Variants in ANO2 observed in about 807,000 individuals in gnomAD.
ANO2 encodes the protein anoctamin 2, also known as anoctamin-2.
A neutral mutation model predicts 124.2 loss-of-function variants in ANO2; 101 were observed. That is an observed-to-expected ratio of 0.81 (90% CI 0.69 to 0.96). The LOEUF is 0.96. Among genes scored for constraint, ANO2 ranks in the 40% least tolerant of loss-of-function variants. The probability of loss-of-function intolerance (pLI) is 0.00; values close to 1 mark genes in which losing one functional copy is unlikely to be tolerated. For missense variants in ANO2, 1,293 were observed against 1,274.5 expected (o/e 1.01, Z -0.22); for synonymous variants, 486 against 482.5 (o/e 1.01, Z -0.09).
chr12:5,857,357 T>C (rs1320851181), intron 3 of ANO2, among the ~76,000 whole-genome samples: 1 of 152,142 alleles, frequency 6.6e-6, no homozygotes, highest in Non-Finnish European at 1.5e-5. Context: ...ATCCCCTTGA[T>C]ATATTGATTT....
At chr12:5,640,743 C>A (rs61908077) in intron 15 of ANO2, among the ~76,000 whole-genome samples, 1 of 152,076 alleles carries the variant, frequency 6.6e-6, no homozygotes, top group African/African-American at 2.4e-5. Flanking sequence ...GGAGAGGATG[C>A]GGAGAAATAG....
intron 3 of ANO2, among the ~76,000 whole-genome samples, chr12:5,869,822 C>T (rs10437829): frequency 0.025 from 3,860 of 152,238 alleles, 169 homozygotes; most frequent in African/African-American, 0.088. Flanking sequence ...CCCCTTTCAG[C>T]TGATAACTTC....
chr12:5,879,908 G>T (rs144849185), intron 3 of ANO2, among the ~76,000 whole-genome samples: 1 of 152,338 alleles, frequency 6.6e-6, no homozygotes, highest in Non-Finnish European at 1.5e-5. Context: ...GGCTTAATCA[G>T]ATTTGCATTT....
chr12:5,565,527 G>A lies in ANO2; in HGVS notation c.2727+31C>T, dbSNP rs3825277. 13,978 of 1,541,100 alleles carry A rather than the reference G, an allele frequency of 9.1e-3. 648 individuals carry two copies. The Admixed American group carries it at 0.099, about 11-fold the overall frequency. On this transcript the variant is annotated intron_variant, in intron 24 of 24. Coordinates refer to ENST00000682330, the MANE Select transcript of ANO2 (RefSeq NM_001364791.2). ...GTCCTTACTCCTGCAGCCCGGATTC[G>A]AATGGGCTATTCCCTATCCCAGCAA...
intron 14 of ANO2, among the ~76,000 whole-genome samples, chr12:5,662,809 CT>C (rs1947515221): frequency 6.6e-6 from 1 of 152,138 alleles, no homozygotes; most frequent in South Asian, 2.1e-4. Context: ...AGTTCTTCTT[CT>C]TTATTAAAAT....
intron 1 of ANO2, among the ~76,000 whole-genome samples, chr12:5,926,295 G>A (rs996728813): frequency 3.3e-5 from 5 of 152,142 alleles, no homozygotes; most frequent in Non-Finnish European, 4.4e-5. Flanking sequence ...TCCTTCCCCT[G>A]GAGGACGGCG....
intron 14 of ANO2, among the ~76,000 whole-genome samples, chr12:5,690,106 A>G (rs1185046539): frequency 6.6e-6 from 1 of 152,078 alleles, no homozygotes; most frequent in Non-Finnish European, 1.5e-5. Context: ...GGTGCTGAGA[A>G]ACAGTTGACT....
At chr12:5,732,994 T>C in intron 13 of ANO2, 6 of 1,182,120 alleles carry the variant, frequency 5.1e-6, no homozygotes, top group Non-Finnish European at 7.5e-6. Context: ...ATATCCCTGG[T>C]CATCCCACCA....
intron 10 of ANO2, among the ~76,000 whole-genome samples, chr12:5,797,126 A>C (rs12423634): frequency 0.4 from 60,439 of 152,168 alleles, 14,766 homozygotes; most frequent in East Asian, 0.61. Flanking sequence ...CGCGAGGCAC[A>C]CGGAGGGTGC....
At chr12:5,751,265 T>C (rs1951431651) in intron 10 of ANO2, among the ~76,000 whole-genome samples, 1 of 152,182 alleles carries the variant, frequency 6.6e-6, no homozygotes, top group Non-Finnish European at 1.5e-5. Context: ...AAACTAAAAA[T>C]ATGCCACACA....
At chr12:5,880,054 G>A (rs148307956) in intron 3 of ANO2, among the ~76,000 whole-genome samples, 32 of 152,254 alleles carry the variant, frequency 2.1e-4, no homozygotes, top group African/African-American at 7.5e-4. Context: ...AACAGATACG[G>A]GAAATGGAAT....
chr12:5,928,412 G>A (rs1406688854), intron 1 of ANO2, among the ~76,000 whole-genome samples: 1 of 99,714 alleles, frequency 1.0e-5, no homozygotes, highest in Non-Finnish European at 2.4e-5. Context: ...TTCCTCACTA[G>A]TCTACTTTCC....
At chr12:5,620,265 G>A (rs1454629444) in intron 16 of ANO2, among the ~76,000 whole-genome samples, 1 of 152,206 alleles carries the variant, frequency 6.6e-6, no homozygotes. Flanking sequence ...GAGAAAGGCA[G>A]CAGAGCCAGG....
chr12:5,923,094 G>GCACA (rs34845978), intron 1 of ANO2, among the ~76,000 whole-genome samples: 3,172 of 26,250 alleles, frequency 0.12, 407 homozygotes, highest in South Asian at 0.22. Flanking sequence ...ACACACACAC[G>GCACA]CACACACATA....
intron 7 of ANO2, among the ~76,000 whole-genome samples, chr12:5,815,528 C>T (rs2058466): frequency 0.51 from 77,707 of 151,870 alleles, 20,361 homozygotes; most frequent in Admixed American, 0.62. Flanking sequence ...ACATGTTCTA[C>T]ATAAGCAAGC....
intron 10 of ANO2, among the ~76,000 whole-genome samples, chr12:5,780,674 C>T (rs1270499056): frequency 9.9e-5 from 15 of 152,130 alleles, no homozygotes; most frequent in Admixed American, 8.5e-4. Context: ...TGGCCGTGTA[C>T]GTGGCCGCAG....
At chr12:5,685,162 G>T (rs1257629796) in intron 14 of ANO2, among the ~76,000 whole-genome samples, 1 of 152,158 alleles carries the variant, frequency 6.6e-6, no homozygotes, top group East Asian at 1.9e-4. Flanking sequence ...GTGAGTGGCA[G>T]GAAAGGCCAA....
intron 3 of ANO2, among the ~76,000 whole-genome samples, chr12:5,874,640 G>T (rs537884579): frequency 6.6e-6 from 1 of 152,242 alleles, no homozygotes; most frequent in South Asian, 2.1e-4. Flanking sequence ...GCGACTTGCT[G>T]TGCCTTCTGG....
chr12:5,836,297 C>T (rs115305188), intron 4 of ANO2, among the ~76,000 whole-genome samples: 1,878 of 152,250 alleles, frequency 0.012, 29 homozygotes, highest in African/African-American at 0.043. Context: ...AGGTCCCATG[C>T]AATATTTGCA....
Sources: gnomAD v4.1 joint callset for allele counts (sites outside exome capture counted in the v4.1 genomes callset) on GRCh38, gnomAD v4.1.1 for gene constraint, MANE v1.5 for transcripts, NCBI Gene and HGNC (gene_info 2026-07-23, HGNC 2026-07-21) for gene names.